The following HS3ST4 variants were observed in gnomAD, a reference collection of about 807,000 sequenced individuals.
The protein encoded by HS3ST4 is heparan sulfate-glucosamine 3-sulfotransferase 4, also known as heparan sulfate glucosamine 3-O-sulfotransferase 4.
In HS3ST4, 17 loss-of-function variants were observed where a neutral mutation model predicts 29.2. The ratio of observed to expected loss-of-function variants is 0.58; its 90% CI spans 0.40 to 0.87. The LOEUF (loss-of-function observed/expected upper bound fraction) is 0.87, where lower values mean the gene tolerates loss of function less well. Ranked by LOEUF, HS3ST4 falls within the 40% of genes least tolerant of loss-of-function variation. HS3ST4 has a pLI of 0.00. For synonymous variants in HS3ST4, 314 were observed against 285.7 expected, an observed-to-expected ratio of 1.10 and a Z score of -1.00; for missense variants, 627 against 634.5, an observed-to-expected ratio of 0.99 and a Z score of 0.13.
chr16:25,873,587 T>A (rs1482609731), intron 1 of HS3ST4, among the ~76,000 whole-genome samples: 2 of 151,496 alleles, frequency 1.3e-5, no homozygotes, highest in Non-Finnish European at 2.9e-5. Flanking sequence ...TGTCCATCCA[T>A]CCATTCATCC....
At chr16:25,983,521 A>G (rs1969030390) in intron 1 of HS3ST4, among the ~76,000 whole-genome samples, 1 of 152,110 alleles carries the variant, frequency 6.6e-6, no homozygotes, top group South Asian at 2.1e-4. Flanking sequence ...TTCCTTGGGT[A>G]GTCATTCTCT....
chr16:26,109,360 C>T lies in HS3ST4; in HGVS notation c.735-26252C>T, dbSNP rs190454000. Among the ~76,000 whole-genome samples the T allele has an allele frequency of 1.2e-3, 184 of 152,242 alleles. 1 individual carries two copies. The highest frequency in any genetic ancestry group is 4.2e-3 in the African/African-American group (175 of 41,536). On this transcript the variant is annotated intron_variant, in intron 1 of 1. Transcript: ENST00000331351. ...ATCTTTTCTGCATGTGCGTGAGTCT[C>T]GATTACAGGCAGTTGAGGTTTGTGT...
chr16:25,700,689 A>G (rs753989445), intron 1 of HS3ST4, among the ~76,000 whole-genome samples: 1 of 152,190 alleles, frequency 6.6e-6, no homozygotes, highest in Non-Finnish European at 1.5e-5. Flanking sequence ...GCCCCGTTCA[A>G]GTAATCTCCT....
intron 1 of HS3ST4, among the ~76,000 whole-genome samples, chr16:25,802,740 C>T (rs1182113229): frequency 1.3e-5 from 2 of 151,942 alleles, no homozygotes; most frequent in Non-Finnish European, 2.9e-5. Flanking sequence ...GCAATGTATT[C>T]GTTATGTTTA....
chr16:25,880,517 C>G (rs1208098092), intron 1 of HS3ST4, among the ~76,000 whole-genome samples: 1 of 152,158 alleles, frequency 6.6e-6, no homozygotes. Context: ...TTCCTCCCAG[C>G]ACACTGAGAA....
At chr16:25,867,452 T>C (rs1967707793) in intron 1 of HS3ST4, among the ~76,000 whole-genome samples, 1 of 152,194 alleles carries the variant, frequency 6.6e-6, no homozygotes, top group African/African-American at 2.4e-5. Flanking sequence ...GAGTGGTCCA[T>C]GTGCGGCTTT....
intron 1 of HS3ST4, among the ~76,000 whole-genome samples, chr16:25,759,882 C>A (rs1269112837): frequency 6.6e-6 from 1 of 151,926 alleles, no homozygotes; most frequent in East Asian, 1.9e-4. Context: ...AAAGCAAGAC[C>A]CTGTCTTAAA....
intron 1 of HS3ST4, among the ~76,000 whole-genome samples, chr16:25,754,492 C>T (rs1231673987): frequency 6.6e-6 from 1 of 151,892 alleles, no homozygotes; most frequent in Non-Finnish European, 1.5e-5. Context: ...CCCATCTGTA[C>T]TAGCCCATTC....
intron 1 of HS3ST4, among the ~76,000 whole-genome samples, chr16:26,002,331 G>A (rs1272508532): frequency 6.6e-6 from 1 of 152,092 alleles, no homozygotes; most frequent in Admixed American, 6.6e-5. Flanking sequence ...TTAAGATTGT[G>A]GGAACACTTT....
intron 1 of HS3ST4, among the ~76,000 whole-genome samples, chr16:25,853,401 C>T (rs1240747266): frequency 1.3e-5 from 2 of 151,848 alleles, no homozygotes; most frequent in African/African-American, 4.8e-5. Context: ...CTTTCTTTCT[C>T]TGGCATAATT....
intron 1 of HS3ST4, among the ~76,000 whole-genome samples, chr16:26,016,703 A>G (rs1340550548): frequency 6.6e-6 from 1 of 152,206 alleles, no homozygotes; most frequent in Non-Finnish European, 1.5e-5. Context: ...CTCCTTATGC[A>G]AATAATTTTT....
At chr16:25,923,987 T>G (rs1968379615) in intron 1 of HS3ST4, among the ~76,000 whole-genome samples, 1 of 152,158 alleles carries the variant, frequency 6.6e-6, no homozygotes, top group Non-Finnish European at 1.5e-5. Flanking sequence ...ATTTTTAGGT[T>G]TCTCCTCTGC....
intron 1 of HS3ST4, among the ~76,000 whole-genome samples, chr16:25,864,556 A>ACT (rs1211582233): frequency 6.7e-6 from 1 of 150,300 alleles, no homozygotes; most frequent in East Asian, 1.9e-4. Flanking sequence ...TCCCCCTCCC[A>ACT]CTCCCTTTCC....
intron 1 of HS3ST4, among the ~76,000 whole-genome samples, chr16:26,050,084 C>T (rs1277156704): frequency 6.6e-6 from 1 of 152,192 alleles, no homozygotes; most frequent in Non-Finnish European, 1.5e-5. Flanking sequence ...ACTTAATCTT[C>T]TGCCCTCTCC....
chr16:25,722,073 G>A (rs147431343), intron 1 of HS3ST4, among the ~76,000 whole-genome samples: 13 of 152,326 alleles, frequency 8.5e-5, no homozygotes, highest in East Asian at 7.7e-4. Flanking sequence ...TTTTGGCAGC[G>A]TGTAGCCCAT....
intron 1 of HS3ST4, among the ~76,000 whole-genome samples, chr16:26,097,048 G>A (rs1417321146): frequency 6.6e-6 from 1 of 152,130 alleles, no homozygotes; most frequent in African/African-American, 2.4e-5. Context: ...ACCTCTTCAA[G>A]GAGAACTACA....
chr16:26,059,635 A>G (rs1898451780), intron 1 of HS3ST4, among the ~76,000 whole-genome samples: 4 of 152,314 alleles, frequency 2.6e-5, no homozygotes, highest in African/African-American at 9.6e-5. Context: ...GGCAGAACAC[A>G]TAAACCCTCT....
intron 1 of HS3ST4, among the ~76,000 whole-genome samples, chr16:25,751,309 G>A (rs996200875): frequency 3.9e-5 from 6 of 152,158 alleles, no homozygotes; most frequent in African/African-American, 1.4e-4. Flanking sequence ...GTGTATGCAT[G>A]TGGCGTCATT....
At chr16:25,875,069 G>A (rs1348584451) in intron 1 of HS3ST4, among the ~76,000 whole-genome samples, 1 of 152,130 alleles carries the variant, frequency 6.6e-6, no homozygotes, top group Non-Finnish European at 1.5e-5. Context: ...GAATAAATGG[G>A]ATACAATGTT....
Sources: gnomAD v4.1 joint callset for allele counts (sites outside exome capture counted in the v4.1 genomes callset) on GRCh38, gnomAD v4.1.1 for gene constraint, MANE v1.5 for transcripts, NCBI Gene and HGNC (gene_info 2026-07-23, HGNC 2026-07-21) for gene names.